The following PSMD2 variants were observed in gnomAD, a reference collection of about 807,000 sequenced individuals.
PSMD2 encodes 26S proteasome non-ATPase regulatory subunit 2.
In PSMD2, 8 loss-of-function variants were observed where a neutral mutation model predicts 101.5. The ratio of observed to expected loss-of-function variants is 0.08; its 90% confidence interval spans 0.05 to 0.14. The LOEUF (loss-of-function observed/expected upper bound fraction) is 0.14. Ranked by LOEUF, PSMD2 falls within the 10% of genes least tolerant of loss-of-function variation. The pLI is 1.00. For synonymous variants in PSMD2, 418 were observed against 433.8 expected, an observed-to-expected ratio of 0.96 and a Z score of 0.45; for missense variants, 784 against 1,147.4, an observed-to-expected ratio of 0.68 and a Z score of 4.58.
At chr3:184,305,975 A>G in intron 13 of PSMD2, 45 bp downstream of exon 13, 5 of 1,613,618 alleles carry the variant, frequency 3.1e-6, no homozygotes, top group Non-Finnish European at 4.2e-6. Flanking sequence ...CAGTAACTGG[A>G]TACAACAGGG....
chr3:184,302,766 G>A lies in PSMD2; in HGVS notation c.951G>A (p.Leu317=), dbSNP rs774029168. 6.2e-6 allele frequency: 10 copies of A among 1,614,058 alleles called. No homozygotes were observed. The African/African-American group carries it at 1.2e-4, about 19-fold the overall frequency. ...LSEDVEEYED[L]TEIMSNVQLN... The stretch of plus-strand genomic sequence containing the variant: ...AAGATGTCGAGGAGTATGAGGACCT[G>A]ACAGAGATCATGTCCAATGTACAGC... The change falls in exon 7 of 21, where the codon CTG becomes CTA. Residue 317 remains leucine (L), a synonymous_variant. Transcript: ENST00000310118.
Position 184,304,158 on chromosome 3 carries a change from C to T in PSMD2, c.1451+84C>T. 1 of 1,574,690 alleles carries T rather than the reference C, an allele frequency of 6.4e-7. No individual in the cohort carries two copies. The highest frequency in any genetic ancestry group is 1.1e-5 in the South Asian group (1 of 90,096). On this transcript the variant is annotated intron_variant, in intron 11 of 20. Transcript: ENST00000310118. This position sits in a 1 kb window ranked among gnomAD's most constrained non-coding sequence, Gnocchi z 4.1. ...AACTGGGCCCTTTTCACCCATATTG[C>T]CAAGGGCTACCACTGTGCCTATTGG...
intron 13 of PSMD2, 36 bp from the exon 14 acceptor site, chr3:184,306,018 G>A (rs1184997739): frequency 6.2e-7 from 1 of 1,613,644 alleles, no homozygotes; most frequent in East Asian, 2.2e-5. Context: ...CTGGATGGAG[G>A]CAAGTATCCT....
rs1434888437 is a variant in PSMD2 at position 184,301,624 on chromosome 3, G to A, written c.445G>A (p.Glu149Lys). ...CAAGTATCGGCTAGTGGGCTCCCAG[G>A]AGGAATTGGCATCATGGGGTCATGA... Reference protein sequence around the residue: ...CLKYRLVGSQEELASWGHEYV... With the variant: ...CLKYRLVGSQKELASWGHEYV... The change falls in exon 4 of 21, where the codon GAG becomes AAG. Residue 149 changes from glutamate (E) to lysine (K), a missense_variant. This residue lies in a region of PSMD2 where 208 missense variants were observed against 301.6 expected (regional missense o/e 0.69). Coordinates refer to ENST00000310118, the MANE Select transcript of PSMD2 (RefSeq NM_002808.5). The A allele has an allele frequency of 6.2e-7, 1 of 1,614,200 alleles. No homozygotes were observed. Among genetic ancestry groups the A allele is most frequent in the Admixed American group, 1.7e-5 (1 of 60,024 alleles).
intron 16 of PSMD2, 48 bp downstream of exon 16, chr3:184,306,882 G>C (rs533278381): frequency 6.7e-7 from 1 of 1,499,332 alleles, no homozygotes; most frequent in Non-Finnish European, 9.2e-7. Flanking sequence ...TTGATGGCCT[G>C]GGGTTCCCCA....
chr3:184,305,683 T>C, intron 12 of PSMD2, 85 bp from the exon 13 acceptor site: 1 of 1,231,264 alleles, frequency 8.1e-7, no homozygotes, highest in Non-Finnish European at 1.1e-6. Flanking sequence ...TATCTTGCAG[T>C]GGACTGTAGG....
chr3:184,306,264 A>G lies in PSMD2; in HGVS notation c.1805-86A>G, dbSNP rs1721827967. The stretch of plus-strand genomic sequence containing the variant: ...TTTCTCCTTCATTCTGATCTGCTCT[A>G]GATTCTTTAGACTTCTCCTGTTTTC... On this transcript the variant is annotated intron_variant, in intron 14 of 20. Coordinates refer to ENST00000310118, the MANE Select transcript of PSMD2 (RefSeq NM_002808.5). 13 of 1,592,116 alleles carry G rather than the reference A, an allele frequency of 8.2e-6. No individual in the cohort carries two copies. The African/African-American group carries it at 1.1e-4, about 13-fold the overall frequency.
intron 18 of PSMD2, 54 bp downstream of exon 18, chr3:184,307,762 G>A: frequency 6.2e-7 from 1 of 1,605,628 alleles, no homozygotes; most frequent in Admixed American, 1.7e-5. Flanking sequence ...TGTGGTGATG[G>A]AAGGAGGAAC....
In PSMD2 at chr3:184,307,443, G is replaced by T; in HGVS notation, c.2121G>T (p.Leu707=). ...TTTCAAATCCACGACTCAACATCCT[G>T]GATACCCTAAGCAAATTCTCTCATG... ...ISVSNPRLNI[L]DTLSKFSHDA... is the part of the protein sequence containing the mutation. The change falls in exon 17 of 21, where the codon CTG becomes CTT. Residue 707 remains leucine, a synonymous_variant. Transcript: ENST00000310118. 6.2e-7 allele frequency: 1 copy of T among 1,614,050 alleles called. No homozygotes were observed. The highest frequency in any genetic ancestry group is 1.6e-4 in the Middle Eastern group (1 of 6,062).
intron 5 of PSMD2, 149 bp downstream of exon 5, chr3:184,302,220 A>G: frequency 8.5e-7 from 1 of 1,176,876 alleles, no homozygotes; most frequent in Admixed American, 2.3e-5. Flanking sequence ...TCTTGAGGAC[A>G]GAGACTTTGT....
rs1044127854 is a variant in PSMD2 at position 184,304,845 on chromosome 3, G to A, written c.1539+454G>A. Among the ~76,000 whole-genome samples, 44 of 152,164 alleles carry A rather than the reference G, an allele frequency of 2.9e-4. No homozygotes were observed. Among genetic ancestry groups the A allele is most frequent in the Admixed American group, 4.6e-4 (7 of 15,288 alleles). On this transcript the variant is annotated intron_variant, in intron 12 of 20. Coordinates refer to ENST00000310118, the MANE Select transcript of PSMD2 (RefSeq NM_002808.5). This position sits in a 1 kb window ranked among gnomAD's most constrained non-coding sequence, Gnocchi z 4.1. Reference sequence around the variant, plus strand: ...GTGGAGGTTGCAGTGAGCTGAGATCGCGCCACTGCACTCCAGTCTGGGTTA... The same window carrying A: ...GTGGAGGTTGCAGTGAGCTGAGATCACGCCACTGCACTCCAGTCTGGGTTA...
At position 184,302,802 on chromosome 3, in the gene PSMD2, C is replaced by T. The variant is rs1180330099; in HGVS notation, c.987C>T (p.Asn329=). 3 of 1,614,058 alleles carry T rather than the reference C, an allele frequency of 1.9e-6. No homozygotes were observed. In the African/African-American group the frequency reaches 4.0e-5, roughly 22 times the overall value. Reference sequence around the variant, plus strand: ...TGTCCAATGTACAGCTCAACAGCAACTTCTTGGCCTTAGCTCGGGAGGTGA... The same window carrying T: ...TGTCCAATGTACAGCTCAACAGCAATTTCTTGGCCTTAGCTCGGGAGGTGA... ...EIMSNVQLNS[N]FLALARELDI... Residue 329 remains asparagine (N), a synonymous_variant, in exon 7 of 21, where the codon AAC becomes AAT. Transcript: ENST00000310118.
At chr3:184,306,593 A>T in intron 15 of PSMD2, 98 bp downstream of exon 15, 1 of 1,544,398 alleles carries the variant, frequency 6.5e-7, no homozygotes, top group South Asian at 1.3e-5. Context: ...CTCTCTGGGT[A>T]TTGCCATGTA....
In PSMD2 at chr3:184,306,473, C is replaced by G; in HGVS notation, c.1928C>G (p.Pro643Arg). The change falls in exon 15 of 21, where the codon CCT (proline) becomes CGT (arginine). Residue 643 changes from proline (P) to arginine (R), a missense_variant. By Grantham distance (103) the Pro-to-Arg change is moderately radical. Around this residue, in one of 6 missense-constraint regions of PSMD2, gnomAD observed 282 missense variants for 437.6 expected, o/e 0.64. Coordinates refer to ENST00000310118, the MANE Select transcript of PSMD2 (RefSeq NM_002808.5). ...AAAGACAAGGACAAGAAGGAAGCCC[C>G]TGCTGACATGGGAGCACATCAGGTT... ...EKKDKDKKEA[P>R]ADMGAHQGVA... 1.2e-6 allele frequency: 2 copies of G among 1,614,016 alleles called. No individual in the cohort carries two copies.
Position 184,304,016 on chromosome 3 carries a change from C to T in PSMD2, c.1393C>T (p.Leu465=), listed in dbSNP as rs764898621. The change falls in exon 11 of 21, where the codon CTG becomes TTG. Residue 465 remains leucine (L), a synonymous_variant. Transcript: ENST00000310118. This position sits in a 1 kb window ranked among gnomAD's most constrained non-coding sequence, Gnocchi z 4.1. ...VRNECDPALA[L]LSDYVLHNSN... The stretch of plus-strand genomic sequence containing the variant: ...GAATGAGTGTGACCCTGCTCTGGCA[C>T]TGCTCTCAGACTATGTTCTCCACAA... 3.1e-6 allele frequency: 5 copies of T among 1,614,216 alleles called. No homozygotes were observed. Among genetic ancestry groups the T allele is most frequent in the South Asian group, 1.1e-5 (1 of 91,084 alleles).
At chr3:184,300,673 G>A in intron 3 of PSMD2, 1 of 1,292,610 alleles carries the variant, frequency 7.7e-7, no homozygotes, top group Non-Finnish European at 9.8e-7. Flanking sequence ...CATTAGCATG[G>A]TCTACTTTTA....
At chr3:184,302,285 T>C in intron 5 of PSMD2, 85 bp from the exon 6 acceptor site, 1 of 1,386,874 alleles carries the variant, frequency 7.2e-7, no homozygotes, top group Non-Finnish European at 9.8e-7. Context: ...TAGTAGATAT[T>C]TATTATTTAT....
chr3:184,307,725 C>T lies in PSMD2; in HGVS notation c.2298+17C>T, dbSNP rs1721881527. The T allele has an allele frequency of 1.2e-6, 2 of 1,612,132 alleles. No individual in the cohort carries two copies. The highest frequency in any genetic ancestry group is 1.3e-5 in the African/African-American group (1 of 74,872). On this transcript the variant is annotated intron_variant, in intron 18 of 20. Transcript: ENST00000310118. ...TTGGCACAGGTAAAGAATAGAACTC[C>T]TCCACAGAGCGTGCCGGGGAAGTAT... is the stretch of plus-strand genomic sequence containing the variant.
rs1183605058 is a variant in PSMD2 at position 184,300,378 on chromosome 3, A to G, written c.291A>G (p.Lys97=). Residue 97 remains lysine, a synonymous_variant, in exon 3 of 21, where the codon AAA becomes AAG. Transcript: ENST00000310118. The part of the protein sequence containing the change: ...TSMTSVPKPL[K]FLRPHYGKLK... ...TGACTTCAGTGCCCAAGCCTCTCAAATTTCTGCGTCCACACTATGGCAAAC... is the reference window on the plus strand; with the variant it reads ...TGACTTCAGTGCCCAAGCCTCTCAAGTTTCTGCGTCCACACTATGGCAAAC... 1.2e-6 allele frequency: 2 copies of G among 1,614,096 alleles called. No individual in the cohort carries two copies. Among genetic ancestry groups the G allele is most frequent in the Non-Finnish European group, 1.7e-6 (2 of 1,179,952 alleles).
Sources: allele counts gnomAD v4.1 joint callset (sites outside exome capture counted in the v4.1 genomes callset), GRCh38; gene constraint gnomAD v4.1.1; regional missense constraint gnomAD v4.1.1; non-coding constraint Gnocchi (gnomAD v3.1); transcripts MANE v1.5; gene names NCBI Gene and HGNC (gene_info 2026-07-23, HGNC 2026-07-21).